Variants in PRKCH observed in about 807,000 individuals in gnomAD.
PRKCH encodes the protein protein kinase C eta.
Under a neutral mutation model 82.5 loss-of-function variants are expected in PRKCH, and 28 were observed. The ratio of observed to expected loss-of-function variants is 0.34; its 90% CI spans 0.25 to 0.47. The LOEUF is 0.47. Among genes scored for constraint, PRKCH ranks in the 20% least tolerant of loss-of-function variants. The pLI is 1.00. For missense variants in PRKCH, 705 were observed against 881.8 expected, an observed-to-expected ratio of 0.80 and a Z score of 2.54; for synonymous variants, 322 against 327.4, an observed-to-expected ratio of 0.98 and a Z score of 0.18.
intron 9 of PRKCH, among the ~76,000 whole-genome samples, chr14:61,477,901 G>A (rs181800308): frequency 8.8e-4 from 134 of 152,188 alleles, no homozygotes; most frequent in African/African-American, 3.1e-3. Context: ...TTGCTGTTTC[G>A]GCTGCTGTTT....
intron 10 of PRKCH, among the ~76,000 whole-genome samples, chr14:61,511,629 G>A (rs2139974007): frequency 6.6e-6 from 1 of 152,352 alleles, no homozygotes; most frequent in African/African-American, 2.4e-5. Flanking sequence ...CCTCCCCGAT[G>A]TGTGCCAATA....
chr14:61,224,772 C>T (rs2044683801), intron 1 of PRKCH, among the ~76,000 whole-genome samples: 1 of 152,212 alleles, frequency 6.6e-6, no homozygotes, highest in Non-Finnish European at 1.5e-5. Context: ...CATGAAGCTA[C>T]TTCCCCCACC....
chr14:61,463,144 C>T (rs1366094462), intron 9 of PRKCH: 1 of 152,098 alleles, frequency 6.6e-6, no homozygotes, highest in African/African-American at 2.4e-5. Context: ...TTCCTTTGAC[C>T]CTTAAAGTTC....
intron 10 of PRKCH, among the ~76,000 whole-genome samples, chr14:61,516,282 T>G (rs1303254679): frequency 6.6e-6 from 1 of 152,194 alleles, no homozygotes; most frequent in Non-Finnish European, 1.5e-5. Flanking sequence ...GGGTCAAGAT[T>G]AGTCCAGCAT....
intron 12 of PRKCH, among the ~76,000 whole-genome samples, chr14:61,546,924 T>G (rs1186474682): frequency 6.6e-6 from 1 of 152,216 alleles, no homozygotes; most frequent in Non-Finnish European, 1.5e-5. Context: ...ACACCTTTCC[T>G]GGCTATTTTG....
upstream of PRKCH, among the ~76,000 whole-genome samples, chr14:61,317,501 T>C (rs959855871): frequency 2.6e-5 from 4 of 152,162 alleles, no homozygotes; most frequent in Non-Finnish European, 5.9e-5. Context: ...CTTGAACTCC[T>C]GGGCTCAAGT....
At chr14:61,305,031 C>T (rs1232101665) in intron 1 of PRKCH, 3 of 151,532 alleles carry the variant, frequency 2.0e-5, no homozygotes, top group Non-Finnish European at 2.9e-5. Flanking sequence ...GGTGTGTTTT[C>T]TTTCTTTATT....
intron 4 of PRKCH, among the ~76,000 whole-genome samples, chr14:61,447,823 A>C (rs1884298968): frequency 6.6e-6 from 1 of 152,256 alleles, no homozygotes; most frequent in Non-Finnish European, 1.5e-5. Context: ...ATATCATTAA[A>C]TGCATACAGT....
intron 1 of PRKCH, among the ~76,000 whole-genome samples, chr14:61,367,341 A>G (rs933649505): frequency 1.7e-4 from 25 of 147,434 alleles, no homozygotes; most frequent in Non-Finnish European, 3.6e-4. Context: ...CTACTCAGGT[A>G]TTGCGTGTGT....
chr14:61,544,898 C>T (rs117212082), intron 12 of PRKCH, among the ~76,000 whole-genome samples: 2,308 of 152,284 alleles, frequency 0.015, 20 homozygotes, highest in South Asian at 0.035. Context: ...TCTTCCACGG[C>T]CCTCTAGAAT....
At chr14:61,539,819 C>T (rs1035848162) in intron 12 of PRKCH, among the ~76,000 whole-genome samples, 17 of 152,212 alleles carry the variant, frequency 1.1e-4, no homozygotes, top group Admixed American at 5.2e-4. Context: ...ACCCACCTGA[C>T]GCCGGACAGG....
At chr14:61,457,078 G>T in intron 7 of PRKCH, 98 bp from the exon 8 acceptor site, 1 of 1,333,944 alleles carries the variant, frequency 7.5e-7, no homozygotes, top group South Asian at 1.4e-5. Flanking sequence ...ACGTTATACT[G>T]GGGGTGAGAC....
intron 13 of PRKCH, among the ~76,000 whole-genome samples, chr14:61,549,240 G>A (rs1404044536): frequency 6.6e-6 from 1 of 152,138 alleles, no homozygotes; most frequent in Admixed American, 6.5e-5. Flanking sequence ...AAATCTTTTG[G>A]GAAGATCTCT....
chr14:61,279,608 A>T, intron 1 of PRKCH: 1 of 154,534 alleles, frequency 6.5e-6, no homozygotes, highest in Non-Finnish European at 1.4e-5. Context: ...CTCTGCAGGT[A>T]ATTTGTGGGC....
At chr14:61,188,704 A>AGTGTGT (rs754540967) in intron 1 of PRKCH, among the ~76,000 whole-genome samples, 13,271 of 78,806 alleles carry the variant, frequency 0.17, 2,979 homozygotes, top group East Asian at 0.22. Context: ...ACGTTGCTGT[A>AGTGTGT]GTGTGTGTGT....
At chr14:61,209,627 C>T (rs2044554131) in intron 1 of PRKCH, among the ~76,000 whole-genome samples, 1 of 152,126 alleles carries the variant, frequency 6.6e-6, no homozygotes, top group South Asian at 2.1e-4. Context: ...TATGATCCAA[C>T]AGTTTCCAAA....
intron 1 of PRKCH, among the ~76,000 whole-genome samples, chr14:61,232,588 C>T (rs1214181419): frequency 6.6e-6 from 1 of 152,144 alleles, no homozygotes; most frequent in Admixed American, 6.6e-5. Flanking sequence ...CTGGAAGTGT[C>T]CCTAATGCTA....
At chr14:61,306,714 C>T (rs560189840) in intron 1 of PRKCH, 4 of 152,276 alleles carry the variant, frequency 2.6e-5, no homozygotes, top group South Asian at 2.1e-4. Flanking sequence ...TAATAACGTA[C>T]GAAAACACAC....
intron 1 of PRKCH, among the ~76,000 whole-genome samples, chr14:61,307,502 G>A (rs1357439180): frequency 6.6e-6 from 1 of 152,126 alleles, no homozygotes; most frequent in East Asian, 1.9e-4. Context: ...GATAGGACCC[G>A]CTCTGGGAGC....
Sources: gnomAD v4.1 joint callset for allele counts (sites outside exome capture counted in the v4.1 genomes callset) on GRCh38, gnomAD v4.1.1 for gene constraint, MANE v1.5 for transcripts, NCBI Gene and HGNC (gene_info 2026-07-23, HGNC 2026-07-21) for gene names.